The following TES variants were observed in gnomAD, a reference collection of about 807,000 sequenced individuals.
TES encodes testin.
A neutral mutation model predicts 48.2 loss-of-function variants in TES; 41 were observed. That is an observed-to-expected ratio of 0.85 (90% CI 0.66 to 1.10). The LOEUF (loss-of-function observed/expected upper bound fraction) is 1.10, where lower values mean the gene tolerates loss of function less well. Among genes scored for constraint, TES ranks in the 50% least tolerant of loss-of-function variants. TES has a pLI of 0.00. For missense variants in TES, 463 were observed against 515.1 expected (o/e 0.90, Z 0.98); for synonymous variants, 162 against 174.9 (o/e 0.93, Z 0.58).
chr7:116,233,544 T>C (rs1799727531), intron 1 of TES, among the ~76,000 whole-genome samples: 2 of 152,192 alleles, frequency 1.3e-5, no homozygotes, highest in South Asian at 2.1e-4. Context: ...GCAAGTTTCA[T>C]AGTCTCTGAG....
intron 4 of TES, among the ~76,000 whole-genome samples, chr7:116,250,978 AT>A (rs1368420826): frequency 6.6e-6 from 1 of 152,160 alleles, no homozygotes; most frequent in Non-Finnish European, 1.5e-5. Context: ...AAATTGAAGT[AT>A]TTTGCTAATG....
intron 1 of TES, chr7:116,211,635 A>G (rs765143998): frequency 2.6e-5 from 4 of 152,346 alleles, no homozygotes; most frequent in Non-Finnish European, 4.4e-5. Context: ...CTTTGTGGTA[A>G]ATTTAAGCTA....
intron 1 of TES, among the ~76,000 whole-genome samples, chr7:116,228,088 C>T (rs1232685239): frequency 1.3e-5 from 2 of 151,134 alleles, no homozygotes; most frequent in African/African-American, 4.9e-5. Flanking sequence ...GAAATGTTGC[C>T]AACCTATTCG....
intron 1 of TES, among the ~76,000 whole-genome samples, chr7:116,224,539 T>A (rs1038636307): frequency 5.9e-5 from 9 of 152,156 alleles, no homozygotes; most frequent in Admixed American, 2.0e-4. Flanking sequence ...TTCTTGCTCA[T>A]TCTTTTAATT....
At position 116,234,721 on chromosome 7, in the gene TES, T is replaced by C. The variant is rs371648769; in HGVS notation, c.113+102T>C. The stretch of plus-strand genomic sequence containing the variant: ...CGAGTTCTCCAGCATGGTTGCTAAG[T>C]TGCAGACCTGTTACTGTCTTTTCTG... On this transcript the variant is annotated intron_variant, in intron 2 of 6. Transcript: ENST00000358204. The C allele has an allele frequency of 1.7e-5, 15 of 901,924 alleles. No homozygotes were observed. In the African/African-American group the frequency reaches 2.3e-4, roughly 14 times the overall value. 55.9% of individuals were successfully genotyped at this position (901,924 alleles called of 1,614,324 possible).
In TES at chr7:116,210,741, G is replaced by C; in HGVS notation, c.27+7G>C. ...GGAAAACAAAGTGAAGAAGGTAGGG[G>C]GGCGCTCGTGGCGGGCGGCGGCTGC... On this transcript the variant is annotated splice_region_variant and intron_variant, in intron 1 of 6. Transcript: ENST00000358204. The C allele has an allele frequency of 8.0e-7, 1 of 1,243,716 alleles. No homozygotes were observed. The highest frequency in any genetic ancestry group is 1.0e-6 in the Non-Finnish European group (1 of 984,044). The allele number at this position is 1,243,716 out of a possible 1,614,324, so 77.0% of individuals were successfully genotyped here.
chr7:116,256,305 C>G (rs1800097589), intron 6 of TES, among the ~76,000 whole-genome samples: 1 of 143,890 alleles, frequency 6.9e-6, no homozygotes, highest in Non-Finnish European at 1.5e-5. Flanking sequence ...CTCACCTGTT[C>G]CCACCCCTTA....
chr7:116,232,723 T>C (rs1799717009), intron 1 of TES, among the ~76,000 whole-genome samples: 1 of 152,176 alleles, frequency 6.6e-6, no homozygotes, highest in African/African-American at 2.4e-5. Flanking sequence ...AACAATTTAA[T>C]TGCTTTAAAA....
chr7:116,228,474 C>G (rs1799652604), intron 1 of TES, among the ~76,000 whole-genome samples: 1 of 152,162 alleles, frequency 6.6e-6, no homozygotes, highest in Non-Finnish European at 1.5e-5. Context: ...AGCTTTGAGA[C>G]TTGTGCGCTT....
intron 1 of TES, among the ~76,000 whole-genome samples, chr7:116,225,547 A>T (rs1162904257): frequency 6.6e-6 from 1 of 152,174 alleles, no homozygotes; most frequent in Non-Finnish European, 1.5e-5. Context: ...AGTCTATGTG[A>T]TTATTTACTG....
chr7:116,254,896 C>T (rs1421663914), intron 6 of TES, among the ~76,000 whole-genome samples: 1 of 151,546 alleles, frequency 6.6e-6, no homozygotes, highest in Non-Finnish European at 1.5e-5. Context: ...GAACAGATTC[C>T]AGCTAACAGC....
chr7:116,223,181 T>G (rs1458164029), intron 1 of TES, among the ~76,000 whole-genome samples: 1 of 152,190 alleles, frequency 6.6e-6, no homozygotes, highest in Non-Finnish European at 1.5e-5. Flanking sequence ...CCTTTTTTAT[T>G]TTTTAAAAGG....
chr7:116,223,243 A>T (rs372638981), intron 1 of TES, among the ~76,000 whole-genome samples: 9 of 152,284 alleles, frequency 5.9e-5, no homozygotes, highest in African/African-American at 2.2e-4. Flanking sequence ...ATTAAGTTTC[A>T]AATAGATAAG....
At chr7:116,240,789 G>A (rs1799836450) in intron 2 of TES, among the ~76,000 whole-genome samples, 1 of 152,160 alleles carries the variant, frequency 6.6e-6, no homozygotes, top group South Asian at 2.1e-4. Flanking sequence ...TTTGAAAACT[G>A]TGTTAAATAT....
chr7:116,245,319 C>T (rs1327740645), intron 2 of TES, among the ~76,000 whole-genome samples: 1 of 152,128 alleles, frequency 6.6e-6, no homozygotes. Flanking sequence ...AATCATCTCT[C>T]TCAAGTTCAA....
chr7:116,250,458 A>C lies in TES; in HGVS notation c.664A>C (p.Met222Leu), dbSNP rs372991337. The C allele has an allele frequency of 4.4e-6, 7 of 1,582,064 alleles. No homozygotes were observed. The highest frequency in any genetic ancestry group is 1.4e-5 in the African/African-American group (1 of 73,940). ...DRSTPAAVGAMEDKSAEHKRT... is the reference protein window; with the variant it reads ...DRSTPAAVGALEDKSAEHKRT... ...AAGCACCCCAGCAGCAGTGGGGGCCATGGAGGACAAATCTGCTGAGCACAA... is the reference window on the plus strand; with the variant it reads ...AAGCACCCCAGCAGCAGTGGGGGCCCTGGAGGACAAATCTGCTGAGCACAA... Residue 222 changes from methionine to leucine, a missense_variant, in exon 4 of 7, where the codon ATG becomes CTG. Transcript: ENST00000358204.
In TES at chr7:116,210,753, C is replaced by A; in HGVS notation, c.27+19C>A. On this transcript the variant is annotated intron_variant, in intron 1 of 6. Transcript: ENST00000358204. Reference sequence around the variant, plus strand: ...GAAGAAGGTAGGGGGGCGCTCGTGGCGGGCGGCGGCTGCTTCACCTGCGCG... The same window carrying A: ...GAAGAAGGTAGGGGGGCGCTCGTGGAGGGCGGCGGCTGCTTCACCTGCGCG... 8.1e-7 allele frequency: 1 copy of A among 1,239,200 alleles called. No individual in the cohort carries two copies. The highest frequency in any genetic ancestry group is 1.0e-6 in the Non-Finnish European group (1 of 981,516). The allele number at this position is 1,239,200 out of a possible 1,614,324, so 76.8% of individuals were successfully genotyped here.
At chr7:116,213,737 C>G (rs764366955) in intron 1 of TES, among the ~76,000 whole-genome samples, 2 of 152,202 alleles carry the variant, frequency 1.3e-5, no homozygotes, top group Non-Finnish European at 2.9e-5. Context: ...TTTAATAATA[C>G]TTTAGAACAG....
chr7:116,248,574 T>C (rs1178473707), intron 2 of TES, among the ~76,000 whole-genome samples: 1 of 152,122 alleles, frequency 6.6e-6, no homozygotes, highest in Admixed American at 6.5e-5. Flanking sequence ...TTTTTGGCCA[T>C]ATGTATATCT....
Sources: gnomAD v4.1 joint callset for allele counts (sites outside exome capture counted in the v4.1 genomes callset) on GRCh38, gnomAD v4.1.1 for gene constraint, MANE v1.5 for transcripts, NCBI Gene and HGNC (gene_info 2026-07-23, HGNC 2026-07-21) for gene names.